The following RAD54B variants were observed in gnomAD, a reference collection of about 807,000 sequenced individuals.
RAD54B encodes the protein DNA repair and recombination protein RAD54B.
A neutral mutation model predicts 95.8 loss-of-function variants in RAD54B; 78 were observed. The ratio of observed to expected loss-of-function variants is 0.81; its 90% CI spans 0.68 to 0.98. The LOEUF (loss-of-function observed/expected upper bound fraction) is 0.98. RAD54B is among the 50% of genes least tolerant of loss of function. RAD54B has a pLI of 0.00. For synonymous variants in RAD54B, 328 were observed against 354.9 expected (o/e 0.92, Z 0.85); for missense variants, 957 against 1,056.6 (o/e 0.91, Z 1.31).
rs1197704971 is a variant in RAD54B at position 94,411,278 on chromosome 8, T to G, written c.342A>C (p.Glu114Asp). ...SAPKEVAVSK[E>D]QEEKSDSLVK... ...CTAGGCTATCAGATTTCTCTTCTTG[T>G]TCCTTGGACACTGCTACTTCTTTAG... The change falls in exon 4 of 15, where the codon GAA becomes GAC. Residue 114 changes from glutamate to aspartate, a missense_variant. Physicochemically the swap from Glu to Asp is conservative, Grantham distance 45. Coordinates refer to ENST00000336148, the MANE Select transcript of RAD54B (RefSeq NM_012415.3). 2.1e-5 allele frequency: 33 copies of G among 1,599,370 alleles called. No individual in the cohort carries two copies. Among genetic ancestry groups the G allele is most frequent in the Non-Finnish European group, 2.7e-5 (32 of 1,176,554 alleles).
At chr8:94,422,535 C>T (rs1365584514) in intron 3 of RAD54B, among the ~76,000 whole-genome samples, 15 of 128,386 alleles carry the variant, frequency 1.2e-4, no homozygotes, top group Non-Finnish European at 2.2e-4. Flanking sequence ...TGCAGTGAGC[C>T]GAGAACATTC....
intron 8 of RAD54B, among the ~76,000 whole-genome samples, chr8:94,397,070 T>G (rs762370230): frequency 6.6e-6 from 1 of 152,174 alleles, no homozygotes; most frequent in Non-Finnish European, 1.5e-5. Flanking sequence ...GCTATGGCAG[T>G]GCTACAAGAC....
intron 3 of RAD54B, among the ~76,000 whole-genome samples, chr8:94,421,128 C>T (rs1007893537): frequency 6.6e-6 from 1 of 152,188 alleles, no homozygotes; most frequent in African/African-American, 2.4e-5. Context: ...TCCAATATGG[C>T]TTCCAGTAGT....
At chr8:94,387,206 A>G in intron 10 of RAD54B, 47 bp from the exon 11 acceptor site, 1 of 1,455,000 alleles carries the variant, frequency 6.9e-7, no homozygotes, top group South Asian at 1.4e-5. Context: ...TTGTTTTTTT[A>G]ATTAGGAGGG....
chr8:94,407,417 C>G (rs1341706725), intron 5 of RAD54B, 22 bp downstream of exon 5: 1 of 1,559,698 alleles, frequency 6.4e-7, no homozygotes, highest in African/African-American at 1.4e-5. Context: ...ACAGAAAATT[C>G]AAATTATTTT....
At chr8:94,388,648 T>G (rs1440250490) in intron 10 of RAD54B, among the ~76,000 whole-genome samples, 1 of 152,210 alleles carries the variant, frequency 6.6e-6, no homozygotes, top group Admixed American at 6.5e-5. Context: ...GGGCAGTGAA[T>G]CCTATGTGAA....
intron 8 of RAD54B, among the ~76,000 whole-genome samples, chr8:94,396,681 G>A (rs1156918250): frequency 2.6e-5 from 4 of 152,086 alleles, no homozygotes; most frequent in Non-Finnish European, 5.9e-5. Context: ...AAAGGGCATT[G>A]AAGATCTTAT....
intron 4 of RAD54B, among the ~76,000 whole-genome samples, chr8:94,409,923 T>A (rs565338783): frequency 6.6e-6 from 1 of 152,288 alleles, no homozygotes; most frequent in African/African-American, 2.4e-5. Context: ...CTAGCCCCAA[T>A]CGACCTTAAC....
intron 1 of RAD54B, among the ~76,000 whole-genome samples, chr8:94,468,662 A>C (rs1813090630): frequency 6.6e-6 from 1 of 150,706 alleles, no homozygotes; most frequent in Non-Finnish European, 1.5e-5. Flanking sequence ...CATCTCTACT[A>C]AAAAAAAATA....
chr8:94,468,644 T>G (rs1813090230), intron 1 of RAD54B, among the ~76,000 whole-genome samples: 1 of 151,294 alleles, frequency 6.6e-6, no homozygotes, highest in African/African-American at 2.4e-5. Flanking sequence ...GCTAACCCAG[T>G]GAAACCACAT....
At chr8:94,460,048 C>T (rs1812869331) in intron 2 of RAD54B, among the ~76,000 whole-genome samples, 1 of 151,842 alleles carries the variant, frequency 6.6e-6, no homozygotes, top group Non-Finnish European at 1.5e-5. Context: ...GTCCCTGCTA[C>T]TCTAGAGGCT....
chr8:94,389,951 T>C (rs1810976190), intron 10 of RAD54B, among the ~76,000 whole-genome samples: 1 of 152,198 alleles, frequency 6.6e-6, no homozygotes, highest in Admixed American at 6.5e-5. Flanking sequence ...TGGGCCATCA[T>C]AAGGTCTTCC....
chr8:94,471,787 A>C (rs1813178104), intron 1 of RAD54B, among the ~76,000 whole-genome samples: 3 of 152,038 alleles, frequency 2.0e-5, no homozygotes. Context: ...ATCATTAATT[A>C]GATTTTTTTA....
At chr8:94,461,851 A>G (rs1812913886) in intron 2 of RAD54B, among the ~76,000 whole-genome samples, 1 of 152,198 alleles carries the variant, frequency 6.6e-6, no homozygotes, top group African/African-American at 2.4e-5. Context: ...AAAATTATCA[A>G]AATTGATTAT....
chr8:94,401,452 T>G (rs1251895249), intron 6 of RAD54B, among the ~76,000 whole-genome samples: 1 of 152,220 alleles, frequency 6.6e-6, no homozygotes, highest in African/African-American at 2.4e-5. Context: ...GTTTTCTTCA[T>G]GCTTTCTTTT....
intron 3 of RAD54B, among the ~76,000 whole-genome samples, chr8:94,419,056 G>A (rs940745848): frequency 7.0e-6 from 1 of 143,328 alleles, no homozygotes; most frequent in Admixed American, 6.9e-5. Flanking sequence ...GAGAAAAAAA[G>A]AAAAGATTCT....
intron 1 of RAD54B, among the ~76,000 whole-genome samples, chr8:94,471,160 A>G (rs1488397560): frequency 6.6e-6 from 1 of 151,782 alleles, no homozygotes; most frequent in Non-Finnish European, 1.5e-5. Context: ...CCTCTGAGCT[A>G]TTAACTCAGG....
intron 14 of RAD54B, among the ~76,000 whole-genome samples, chr8:94,377,737 G>A (rs1385451076): frequency 6.6e-6 from 1 of 151,262 alleles, no homozygotes; most frequent in Middle Eastern, 3.2e-3. Flanking sequence ...AGCACTTTGG[G>A]AGGCCGAGGC....
At chr8:94,388,606 C>G (rs1695713042) in intron 10 of RAD54B, among the ~76,000 whole-genome samples, 1 of 152,112 alleles carries the variant, frequency 6.6e-6, no homozygotes, top group African/African-American at 2.4e-5. Context: ...GTGTGTTGCA[C>G]CCCCTCTTTA....
Sources: gnomAD v4.1 joint callset for allele counts (sites outside exome capture counted in the v4.1 genomes callset) on GRCh38, gnomAD v4.1.1 for gene constraint, MANE v1.5 for transcripts, NCBI Gene and HGNC (gene_info 2026-07-23, HGNC 2026-07-21) for gene names.